ADGRG3: variants seen among roughly 807,000 people sequenced by gnomAD.
The protein encoded by ADGRG3 is adhesion G protein-coupled receptor G3, also known as G protein-coupled receptor 97.
ADGRG3 carries 39 observed loss-of-function variants against 54.3 expected under a neutral mutation model. The observed-to-expected ratio is 0.72, with a 90% CI of 0.56 to 0.94. ADGRG3 has a LOEUF of 0.94. Ranked by LOEUF, ADGRG3 falls within the 40% of genes least tolerant of loss-of-function variation. ADGRG3 has a pLI of 0.00. For missense variants in ADGRG3, 654 were observed against 694.6 expected (o/e 0.94, Z 0.66); for synonymous variants, 312 against 290.0 (o/e 1.08, Z -0.77).
chr16:57,673,126 G>A (rs2048191726), intron 1 of ADGRG3, among the ~76,000 whole-genome samples, 195 bp from the exon 2 acceptor site: 1 of 152,142 alleles, frequency 6.6e-6, no homozygotes, highest in African/African-American at 2.4e-5. Flanking sequence ...CCTGGGAGAT[G>A]GGGTATTTGC....
chr16:57,681,754 AG>A (rs2048376117), intron 8 of ADGRG3, among the ~76,000 whole-genome samples: 1 of 148,120 alleles, frequency 6.8e-6, no homozygotes, highest in African/African-American at 2.5e-5. Flanking sequence ...AAAGAGAGAG[AG>A]AGAGAGAAAG....
Position 57,673,361 on chromosome 16 carries a change from G to T in ADGRG3, c.99G>T (p.Leu33=), listed in dbSNP as rs138710313. ...KPTEGPRNTC[L]GSNNMYDIFN... Reference sequence around the variant, plus strand: ...CCGAAGGGCCAAGAAACACCTGCCTGGGGAGCAACAACATGTACGACATCT... The same window carrying T: ...CCGAAGGGCCAAGAAACACCTGCCTTGGGAGCAACAACATGTACGACATCT... Residue 33 remains leucine (L), a synonymous_variant, in exon 2 of 12, where the codon CTG becomes CTT. Transcript: ENST00000333493. 39 of 1,613,736 alleles carry T rather than the reference G, an allele frequency of 2.4e-5. No individual in the cohort carries two copies. The highest frequency in any genetic ancestry group is 3.3e-5 in the Non-Finnish European group (39 of 1,179,772).
intron 8 of ADGRG3, among the ~76,000 whole-genome samples, chr16:57,683,046 C>T (rs1377918299): frequency 6.6e-6 from 1 of 152,190 alleles, no homozygotes; most frequent in African/African-American, 2.4e-5. Flanking sequence ...GATGGCCTCC[C>T]CAGAAGGAAA....
At chr16:57,679,723 T>C (rs2048328861) in intron 5 of ADGRG3, 93 bp from the exon 6 acceptor site, 1 of 983,336 alleles carries the variant, frequency 1.0e-6, no homozygotes, top group South Asian at 1.3e-5. Context: ...ACACTCACAC[T>C]AGGACTCGGG....
intron 8 of ADGRG3, among the ~76,000 whole-genome samples, chr16:57,680,946 G>A (rs2048356757): frequency 6.6e-6 from 1 of 152,156 alleles, no homozygotes. Flanking sequence ...GTCAAAAGAG[G>A]TCCCCAGAAC....
chr16:57,683,706 C>T (rs1275483660), intron 8 of ADGRG3, among the ~76,000 whole-genome samples: 1 of 152,200 alleles, frequency 6.6e-6, no homozygotes, highest in Non-Finnish European at 1.5e-5. Context: ...ATGAGGCTGG[C>T]AGGATCCGGA....
chr16:57,667,695 T>G (rs2048082247), upstream of ADGRG3, among the ~76,000 whole-genome samples: 1 of 152,144 alleles, frequency 6.6e-6, no homozygotes, highest in African/African-American at 2.4e-5. Flanking sequence ...CCCGCTACCC[T>G]GCCTCTGGGT....
chr16:57,680,641 C>A, intron 8 of ADGRG3, 24 bp downstream of exon 8: 1 of 1,487,900 alleles, frequency 6.7e-7, no homozygotes, highest in South Asian at 1.1e-5. Flanking sequence ...ACCTCCCCAC[C>A]ATGTCTCCCT....
chr16:57,685,856 G>A lies in ADGRG3; in HGVS notation c.1470G>A (p.Trp490Ter), dbSNP rs764514206. 1.2e-6 allele frequency: 2 copies of A among 1,614,048 alleles called. No homozygotes were observed. The highest frequency in any genetic ancestry group is 1.7e-5 in the Admixed American group (1 of 60,020). ...TCTCGAGCCTGGTGGGTGTGACATG[G>A]GGGTTGGCCATCTTCACCCCGTTGG... Reference protein sequence around the residue: ...LGLSSLVGVTWGLAIFTPLGL... With the variant: ...LGLSSLVGVT The change falls in exon 11 of 12, where the codon TGG becomes TGA. Residue 490 changes from tryptophan to a stop codon, truncating the protein, a stop_gained. Transcript: ENST00000333493. LOFTEE classifies it high-confidence loss of function.
intron 1 of ADGRG3, among the ~76,000 whole-genome samples, chr16:57,670,586 T>C (rs2048137287): frequency 6.6e-6 from 1 of 152,148 alleles, no homozygotes. Context: ...TCTCCCCTTT[T>C]TTAAAAAGCC....
At position 57,668,329 on chromosome 16, in the gene ADGRG3, T is replaced by C. The variant is rs2048087803; in HGVS notation, c.-19T>C. The C allele has an allele frequency of 4.5e-6, 7 of 1,559,278 alleles. No individual in the cohort carries two copies. Among genetic ancestry groups the C allele is most frequent in the Non-Finnish European group, 6.1e-6 (7 of 1,156,888 alleles). On this transcript the variant is annotated 5_prime_UTR_variant, in exon 1 of 12. Transcript: ENST00000333493. ...CCAGACAGCCACAGAGCTCCTGGCG[T>C]GGGCAAGGCTGGCCAAGGATGGCGA...
At chr16:57,681,005 A>T (rs9928982) in intron 8 of ADGRG3, 30,025 of 208,044 alleles carry the variant, frequency 0.14, 2,520 homozygotes, top group Admixed American at 0.25. Flanking sequence ...TGACAGTCAC[A>T]TCGGGCAGCT....
intron 2 of ADGRG3, 113 bp downstream of exon 2, chr16:57,673,581 A>G: frequency 1.0e-6 from 1 of 993,806 alleles, no homozygotes. Flanking sequence ...CTCCCATCTG[A>G]CTCTTCCACC....
chr16:57,675,562 C>G (rs1226215425), intron 2 of ADGRG3, among the ~76,000 whole-genome samples: 2 of 152,012 alleles, frequency 1.3e-5, no homozygotes, highest in African/African-American at 4.8e-5. Flanking sequence ...ACCCGGGAGG[C>G]GGAGGTTGCA....
In ADGRG3 at chr16:57,677,331, C is replaced by T. The variant is rs192488469; in HGVS notation, c.346-839C>T. On this transcript the variant is annotated intron_variant, in intron 3 of 11. Coordinates refer to ENST00000333493, the MANE Select transcript of ADGRG3 (RefSeq NM_170776.5). Reference sequence around the variant, plus strand: ...GGCACAGTGGCTCACGCCTGTAATACCAGCACTTTGGGAGGCCAAGGCGGA... The same window carrying T: ...GGCACAGTGGCTCACGCCTGTAATATCAGCACTTTGGGAGGCCAAGGCGGA... 1.8e-3 allele frequency among the ~76,000 whole-genome samples: 271 copies of T among 152,248 alleles called. 1 individual carries two copies. Among genetic ancestry groups the T allele is most frequent in the Middle Eastern group, 3.4e-3 (1 of 294 alleles).
chr16:57,684,175 C>T lies in ADGRG3; in HGVS notation c.1125C>T (p.Phe375=), dbSNP rs747523390. The change falls in exon 9 of 12, where the codon TTC becomes TTT. Residue 375 remains phenylalanine, a synonymous_variant. Transcript: ENST00000333493. ...CTGTCAGGGTCTTCAACACCTACTTCGGGCACTACTTCCTGAAGCTGAGCC... is the reference window on the plus strand; with the variant it reads ...CTGTCAGGGTCTTCAACACCTACTTTGGGCACTACTTCCTGAAGCTGAGCC... ...LLAVRVFNTY[F]GHYFLKLSLV... 3.4e-5 allele frequency: 55 copies of T among 1,613,736 alleles called. No homozygotes were observed. Among genetic ancestry groups the T allele is most frequent in the South Asian group, 6.6e-5 (6 of 91,072 alleles).
chr16:57,667,777 C>G (rs2048082931), upstream of ADGRG3, among the ~76,000 whole-genome samples: 1 of 152,218 alleles, frequency 6.6e-6, no homozygotes, highest in Non-Finnish European at 1.5e-5. Flanking sequence ...CCCACACCCT[C>G]CAGCCTGGTT....
At chr16:57,669,917 G>A (rs1219227835) in intron 1 of ADGRG3, among the ~76,000 whole-genome samples, 1 of 152,202 alleles carries the variant, frequency 6.6e-6, no homozygotes, top group East Asian at 1.9e-4. Flanking sequence ...AGGGCACGGG[G>A]AGCAAGGAGG....
At chr16:57,675,481 A>T (rs1302822579) in intron 2 of ADGRG3, among the ~76,000 whole-genome samples, 3 of 152,078 alleles carry the variant, frequency 2.0e-5, no homozygotes, top group Non-Finnish European at 4.4e-5. Flanking sequence ...ATACAAAAAA[A>T]TTAGTTGGGT....
Sources: gnomAD v4.1 joint callset for allele counts (sites outside exome capture counted in the v4.1 genomes callset) on GRCh38, gnomAD v4.1.1 for gene constraint, MANE v1.5 for transcripts, NCBI Gene and HGNC (gene_info 2026-07-23, HGNC 2026-07-21) for gene names.